The following RIMS2 variants were observed in gnomAD, a reference collection of about 807,000 sequenced individuals.
The protein encoded by RIMS2 is regulating synaptic membrane exocytosis protein 2.
Under a neutral mutation model 174.4 loss-of-function variants are expected in RIMS2, and 59 were observed. The ratio of observed to expected loss-of-function variants is 0.34; its 90% confidence interval spans 0.27 to 0.42. RIMS2 has a LOEUF of 0.42. Ranked by LOEUF, RIMS2 falls within the 10% of genes least tolerant of loss-of-function variation. The probability of loss-of-function intolerance (pLI) is 1.00; values close to 1 mark genes in which losing one functional copy is unlikely to be tolerated. For synonymous variants in RIMS2, 606 were observed against 572.5 expected, an observed-to-expected ratio of 1.06 and a Z score of -0.84; for missense variants, 1,620 against 1,666.3, an observed-to-expected ratio of 0.97 and a Z score of 0.48.
intron 3 of RIMS2, among the ~76,000 whole-genome samples, chr8:103,814,290 T>C (rs1195085927): frequency 1.3e-5 from 2 of 151,854 alleles, no homozygotes; most frequent in Non-Finnish European, 2.9e-5. Flanking sequence ...GAGTAATAAC[T>C]AATAAGTACT....
At chr8:103,510,956 A>G (rs1258931976) in intron 1 of RIMS2, among the ~76,000 whole-genome samples, 9 of 152,180 alleles carry the variant, frequency 5.9e-5, no homozygotes, top group Admixed American at 5.2e-4. Context: ...TTTTTTATAA[A>G]GTAGATACTG....
chr8:103,746,608 C>T (rs547609639), intron 2 of RIMS2, among the ~76,000 whole-genome samples: 1 of 152,182 alleles, frequency 6.6e-6, no homozygotes, highest in Non-Finnish European at 1.5e-5. Context: ...CTTCCCACCC[C>T]TCAACCTCTG....
intron 19 of RIMS2, among the ~76,000 whole-genome samples, chr8:104,135,858 A>C (rs1329460713): frequency 6.6e-6 from 1 of 152,156 alleles, no homozygotes; most frequent in Non-Finnish European, 1.5e-5. Flanking sequence ...GGTTCTCAAA[A>C]TGTTGAAGAA....
At chr8:103,544,789 A>G (rs567924536) in intron 1 of RIMS2, among the ~76,000 whole-genome samples, 1 of 152,366 alleles carries the variant, frequency 6.6e-6, no homozygotes, top group South Asian at 2.1e-4. Flanking sequence ...GGGCTCCTAC[A>G]AGACCCACGA....
chr8:103,671,444 G>A (rs796461751), intron 1 of RIMS2, among the ~76,000 whole-genome samples: 1 of 152,284 alleles, frequency 6.6e-6, no homozygotes, highest in African/African-American at 2.4e-5. Flanking sequence ...TGGATTAGCA[G>A]TTTTATAAAT....
At chr8:103,586,994 A>C (rs760488370) in intron 1 of RIMS2, among the ~76,000 whole-genome samples, 6 of 152,108 alleles carry the variant, frequency 3.9e-5, no homozygotes, top group Non-Finnish European at 8.8e-5. Context: ...ATAACATTGA[A>C]TGTAAATGGA....
chr8:104,250,155 G>A (rs140613307), intron 22 of RIMS2, among the ~76,000 whole-genome samples: 1 of 152,352 alleles, frequency 6.6e-6, no homozygotes, highest in African/African-American at 2.4e-5. Context: ...GCCATGGAAG[G>A]TGCTACAGTG....
chr8:104,045,615 A>T (rs1052827714), intron 19 of RIMS2, among the ~76,000 whole-genome samples: 5 of 151,888 alleles, frequency 3.3e-5, no homozygotes, highest in Admixed American at 2.6e-4. Flanking sequence ...TTTACTCATA[A>T]GTAGATCTCA....
chr8:103,594,547 G>A (rs2094409988), intron 1 of RIMS2, among the ~76,000 whole-genome samples: 1 of 151,616 alleles, frequency 6.6e-6, no homozygotes, highest in South Asian at 2.1e-4. Flanking sequence ...ATTCCTCCCT[G>A]GGAGCAGTAG....
intron 20 of RIMS2, among the ~76,000 whole-genome samples, chr8:104,246,862 C>T (rs576483825): frequency 4.0e-4 from 61 of 151,952 alleles, no homozygotes; most frequent in Middle Eastern, 3.4e-3. Context: ...GTGGCAGGGG[C>T]GGGGGCAGCT....
At chr8:103,520,879 A>G (rs1156796059) in intron 1 of RIMS2, among the ~76,000 whole-genome samples, 1 of 152,094 alleles carries the variant, frequency 6.6e-6, no homozygotes, top group Non-Finnish European at 1.5e-5. Context: ...AAGTTCAAAG[A>G]CTATTCATTT....
In RIMS2 at chr8:103,572,666, A is replaced by AT. The variant is rs1207214842; in HGVS notation, c.176+71611dup. ...TCTCCAATGATTAGTGATGATGAAC[A>AT]TTTTTTTCATATGTTTGTTGTCCAC... On this transcript the variant is annotated intron_variant, in intron 1 of 23. Transcript: ENST00000504942. 3.3e-5 allele frequency among the ~76,000 whole-genome samples: 5 copies of AT among 151,532 alleles called. No homozygotes were observed. The East Asian group carries it at 9.7e-4, about 29-fold the overall frequency.
chr8:103,670,454 T>A (rs1004162172), intron 1 of RIMS2, among the ~76,000 whole-genome samples: 8 of 152,192 alleles, frequency 5.3e-5, no homozygotes, highest in Non-Finnish European at 4.4e-5. Flanking sequence ...AGAAAATGGG[T>A]TTTTCTTTTC....
chr8:103,684,559 ATTT>A (rs2096918399), intron 1 of RIMS2, among the ~76,000 whole-genome samples: 2 of 33,646 alleles, frequency 5.9e-5, no homozygotes, highest in Non-Finnish European at 1.1e-4. Context: ...ATTTTATTTT[ATTT>A]TATTTTATTT....
At chr8:103,851,790 T>A (rs1181353476) in intron 3 of RIMS2, among the ~76,000 whole-genome samples, 1 of 151,972 alleles carries the variant, frequency 6.6e-6, no homozygotes, top group Admixed American at 6.6e-5. Context: ...AATGGGACTT[T>A]ATTCATATTA....
intron 16 of RIMS2, among the ~76,000 whole-genome samples, chr8:103,979,339 G>A (rs62527132): frequency 0.016 from 2,499 of 152,272 alleles, 35 homozygotes; most frequent in South Asian, 0.027. Flanking sequence ...TGGCAAGGAC[G>A]TGGAGAAAAG....
At chr8:103,613,759 A>C (rs2095441456) in intron 1 of RIMS2, among the ~76,000 whole-genome samples, 1 of 152,092 alleles carries the variant, frequency 6.6e-6, no homozygotes, top group Non-Finnish European at 1.5e-5. Flanking sequence ...GCACGTGATT[A>C]ATCCTGCCAA....
At chr8:104,044,540 T>A (rs2096661707) in intron 19 of RIMS2, among the ~76,000 whole-genome samples, 2 of 145,816 alleles carry the variant, frequency 1.4e-5, no homozygotes, top group Admixed American at 1.4e-4. Flanking sequence ...AAAAAAAAAA[T>A]GGTATCTAGG....
chr8:103,544,120 G>C (rs1843796758), intron 1 of RIMS2, among the ~76,000 whole-genome samples: 1 of 152,206 alleles, frequency 6.6e-6, no homozygotes, highest in African/African-American at 2.4e-5. Flanking sequence ...TCAATAGCAA[G>C]AAAACAAAGA....
Sources: gnomAD v4.1 joint callset for allele counts (sites outside exome capture counted in the v4.1 genomes callset) on GRCh38, gnomAD v4.1.1 for gene constraint, MANE v1.5 for transcripts, NCBI Gene and HGNC (gene_info 2026-07-23, HGNC 2026-07-21) for gene names.